The following STX7 variants were observed in gnomAD, a reference collection of about 807,000 sequenced individuals.
The protein encoded by STX7 is syntaxin 7, also known as syntaxin-7.
In STX7, 34 loss-of-function variants were observed where a neutral mutation model predicts 39.6. The observed-to-expected ratio is 0.86, with a 90% CI of 0.65 to 1.14. STX7 has a LOEUF of 1.14. Ranked by LOEUF, STX7 falls within the 50% of genes most tolerant of loss-of-function variation. The pLI, the probability that STX7 is intolerant of heterozygous loss-of-function variation, is 0.00. For synonymous variants in STX7, 119 were observed against 99.1 expected, an observed-to-expected ratio of 1.20 and a Z score of -1.19; for missense variants, 284 against 310.4, an observed-to-expected ratio of 0.92 and a Z score of 0.64.
intron 2 of STX7, among the ~76,000 whole-genome samples, chr6:132,484,696 G>C (rs1775087911): frequency 6.6e-6 from 1 of 152,178 alleles, no homozygotes; most frequent in Non-Finnish European, 1.5e-5. Context: ...AGGTGATTTT[G>C]AGATTCCAAC....
At chr6:132,469,907 A>C (rs1562323675) in intron 7 of STX7, 44 bp downstream of exon 7, 3 of 1,492,178 alleles carry the variant, frequency 2.0e-6, no homozygotes, top group Non-Finnish European at 2.7e-6. Context: ...GAACAAACTC[A>C]CTAAGACCAG....
chr6:132,493,018 CAGG>C (rs749327216), intron 2 of STX7, among the ~76,000 whole-genome samples: 22 of 152,142 alleles, frequency 1.4e-4, no homozygotes, highest in Non-Finnish European at 2.9e-4. Context: ...TGCTCCCAAG[CAGG>C]AGAACAGTCC....
At chr6:132,492,604 C>T (rs1775321230) in intron 2 of STX7, among the ~76,000 whole-genome samples, 1 of 152,134 alleles carries the variant, frequency 6.6e-6, no homozygotes, top group African/African-American at 2.4e-5. Flanking sequence ...GATCCAAATA[C>T]ACCATGTTAT....
At chr6:132,476,020 T>C (rs959853801) in intron 2 of STX7, among the ~76,000 whole-genome samples, 1 of 152,124 alleles carries the variant, frequency 6.6e-6, no homozygotes, top group Non-Finnish European at 1.5e-5. Flanking sequence ...ATTACATATT[T>C]CATTAGAATA....
intron 1 of STX7, among the ~76,000 whole-genome samples, chr6:132,506,126 A>G (rs2114481350): frequency 6.6e-6 from 1 of 152,294 alleles, no homozygotes. Context: ...TAAAAGTAAT[A>G]CCTAAAACGA....
intron 4 of STX7, among the ~76,000 whole-genome samples, chr6:132,471,809 A>G (rs1442409605): frequency 6.6e-6 from 1 of 152,190 alleles, no homozygotes; most frequent in Non-Finnish European, 1.5e-5. Flanking sequence ...TGGATTTCTC[A>G]CCTCAGGTTT....
intron 2 of STX7, among the ~76,000 whole-genome samples, chr6:132,477,299 T>C (rs557760687): frequency 9.9e-5 from 15 of 152,258 alleles, no homozygotes; most frequent in African/African-American, 3.6e-4. Flanking sequence ...AACTGCCTTA[T>C]AGGGGCTTTA....
intron 1 of STX7, among the ~76,000 whole-genome samples, chr6:132,509,467 C>A (rs148855427): frequency 0.52 from 10,462 of 20,140 alleles, 2,115 homozygotes; most frequent in African/African-American, 0.6. Context: ...CATAACATAA[C>A]ATAACATAAC....
rs1483773377 is a variant in STX7, at chr6:132,460,984, G to T, written c.694-134C>A. 9.0e-6 allele frequency: 6 copies of T among 666,842 alleles called. No individual in the cohort carries two copies. In the South Asian group the frequency reaches 1.4e-4, roughly 15 times the overall value. 41.3% of individuals were successfully genotyped at this position (666,842 alleles called of 1,614,324 possible). Reference sequence around the variant, plus strand: ...AGTAGTATATTGCCCTCAAATTTTTGACTGTGTTTTTTTGTTCCTCAAAAA... The same window carrying T: ...AGTAGTATATTGCCCTCAAATTTTTTACTGTGTTTTTTTGTTCCTCAAAAA... On this transcript the variant is annotated intron_variant, in intron 9 of 9. Coordinates refer to ENST00000367941, the MANE Select transcript of STX7 (RefSeq NM_003569.3).
chr6:132,479,976 C>T (rs1389014007), intron 2 of STX7, among the ~76,000 whole-genome samples: 3 of 152,188 alleles, frequency 2.0e-5, no homozygotes, highest in Non-Finnish European at 4.4e-5. Context: ...CTGCTCCTTC[C>T]ATCTTGGAGG....
intron 7 of STX7, among the ~76,000 whole-genome samples, chr6:132,468,924 G>A (rs1456611146): frequency 3.9e-5 from 6 of 152,248 alleles, no homozygotes; most frequent in Non-Finnish European, 7.4e-5. Flanking sequence ...TAAATTTAAA[G>A]TCTCACATTA....
At chr6:132,497,466 A>C (rs980570134) in intron 2 of STX7, among the ~76,000 whole-genome samples, 1 of 152,214 alleles carries the variant, frequency 6.6e-6, no homozygotes, top group Non-Finnish European at 1.5e-5. Flanking sequence ...CTATTTCTTG[A>C]CATTTGTGGT....
At chr6:132,487,502 G>C (rs1406513083) in intron 2 of STX7, among the ~76,000 whole-genome samples, 1 of 152,148 alleles carries the variant, frequency 6.6e-6, no homozygotes, top group Non-Finnish European at 1.5e-5. Context: ...GGGAGGGAGA[G>C]CATTAGGACA....
intron 4 of STX7, 64 bp downstream of exon 4, chr6:132,472,218 T>A (rs1465181253): frequency 1.6e-6 from 2 of 1,244,010 alleles, no homozygotes; most frequent in African/African-American, 3.0e-5. Flanking sequence ...AGTTCAAAGA[T>A]CCTACAGTGC....
intron 5 of STX7, 123 bp from the exon 6 acceptor site, chr6:132,470,749 G>GTA: frequency 5.6e-6 from 2 of 357,968 alleles, no homozygotes; most frequent in East Asian, 1.0e-4. Flanking sequence ...CTGTGTGTAT[G>GTA]TGTGTGTGTG....
At chr6:132,509,452 AATAACATAACATAACATAAC>A (rs199798662) in intron 1 of STX7, among the ~76,000 whole-genome samples, 22 of 9,950 alleles carry the variant, frequency 2.2e-3, no homozygotes, top group Non-Finnish European at 3.8e-3. Context: ...CTCGTCTCAA[AATAACATAACATAACATAAC>A]ATAACATAAC....
chr6:132,465,136 C>T (rs943355345), intron 8 of STX7, among the ~76,000 whole-genome samples: 10 of 152,302 alleles, frequency 6.6e-5, no homozygotes, highest in Middle Eastern at 3.4e-3. Context: ...TTCTAACACC[C>T]TGGCCTCACA....
At chr6:132,470,931 T>A (rs545028142) in intron 5 of STX7, among the ~76,000 whole-genome samples, 4 of 152,316 alleles carry the variant, frequency 2.6e-5, no homozygotes, top group South Asian at 4.1e-4. Context: ...AGTCTTGGAA[T>A]CCATATGTTA....
chr6:132,488,918 T>C (rs1775207757), intron 2 of STX7, among the ~76,000 whole-genome samples: 2 of 152,214 alleles, frequency 1.3e-5, no homozygotes, highest in African/African-American at 2.4e-5. Context: ...CAAAGTGATA[T>C]AGGCCAGGCG....
Sources: gnomAD v4.1 joint callset for allele counts (sites outside exome capture counted in the v4.1 genomes callset) on GRCh38, gnomAD v4.1.1 for gene constraint, MANE v1.5 for transcripts, NCBI Gene and HGNC (gene_info 2026-07-23, HGNC 2026-07-21) for gene names.